The following NRG2 variants were observed in gnomAD, a reference collection of about 807,000 sequenced individuals.
NRG2 encodes pro-neuregulin-2, membrane-bound isoform.
NRG2 carries 27 observed loss-of-function variants against 73.9 expected under a neutral mutation model. That is an observed-to-expected ratio of 0.37 (90% CI 0.27 to 0.50). NRG2 has a LOEUF of 0.50. Ranked by LOEUF, NRG2 falls within the 20% of genes least tolerant of loss-of-function variation. NRG2 has a pLI of 0.96. For missense variants in NRG2, 1,126 were observed against 1,210.1 expected (o/e 0.93, Z 1.03); for synonymous variants, 532 against 541.0 (o/e 0.98, Z 0.23).
intron 1 of NRG2, among the ~76,000 whole-genome samples, chr5:140,020,899 A>G (rs1423687950): frequency 3.3e-5 from 5 of 152,186 alleles, no homozygotes; most frequent in Non-Finnish European, 1.5e-5. Flanking sequence ...GGGTGAGTAC[A>G]TCTCGGAGCC....
chr5:139,911,425 C>T (rs1283984024), intron 1 of NRG2, among the ~76,000 whole-genome samples: 1 of 152,178 alleles, frequency 6.6e-6, no homozygotes, highest in African/African-American at 2.4e-5. Context: ...AGATGTTACT[C>T]TGTCCACCAG....
At chr5:139,891,359 A>G (rs1318480543) in intron 1 of NRG2, among the ~76,000 whole-genome samples, 7 of 152,174 alleles carry the variant, frequency 4.6e-5, no homozygotes, top group African/African-American at 1.4e-4. Flanking sequence ...CCGGCCACCA[A>G]TGGAAAACAC....
chr5:139,938,621 G>A (rs1276089447), intron 1 of NRG2, among the ~76,000 whole-genome samples: 1 of 151,890 alleles, frequency 6.6e-6, no homozygotes, highest in Non-Finnish European at 1.5e-5. Flanking sequence ...CACCTTGGCT[G>A]CCCAGAATTA....
At chr5:140,035,177 A>G (rs770094568) in intron 1 of NRG2, among the ~76,000 whole-genome samples, 2 of 152,154 alleles carry the variant, frequency 1.3e-5, no homozygotes, top group African/African-American at 2.4e-5. Context: ...GCTACTGAGA[A>G]TGCTGCTCTT....
intron 1 of NRG2, among the ~76,000 whole-genome samples, chr5:140,011,887 C>G (rs1252817769): frequency 1.3e-5 from 2 of 152,224 alleles, no homozygotes. Flanking sequence ...ACTCAAAAAT[C>G]ATTAATCTAT....
chr5:139,951,991 G>A (rs1754237459), intron 1 of NRG2, among the ~76,000 whole-genome samples: 1 of 152,244 alleles, frequency 6.6e-6, no homozygotes, highest in Non-Finnish European at 1.5e-5. Flanking sequence ...TTAGTTTGTA[G>A]TGAAGCTTTG....
intron 1 of NRG2, among the ~76,000 whole-genome samples, chr5:139,977,469 G>T (rs1038074529): frequency 6.6e-6 from 1 of 152,240 alleles, no homozygotes; most frequent in Admixed American, 6.5e-5. Context: ...ATTGGCAGGC[G>T]TCAAGGTATG....
intron 1 of NRG2, among the ~76,000 whole-genome samples, chr5:139,947,481 T>C (rs1034494412): frequency 2.0e-5 from 3 of 152,230 alleles, no homozygotes; most frequent in African/African-American, 7.2e-5. Context: ...CAACCAACAG[T>C]TGATGGCCAT....
At chr5:139,939,241 TTC>T (rs1344771519) in intron 1 of NRG2, among the ~76,000 whole-genome samples, 79 of 140,268 alleles carry the variant, frequency 5.6e-4, no homozygotes, top group Non-Finnish European at 7.4e-4. Flanking sequence ...CCTTCCTTCC[TTC>T]CTTTCTTTCT....
chr5:140,027,754 G>A (rs1580979171), intron 1 of NRG2, among the ~76,000 whole-genome samples: 1 of 152,282 alleles, frequency 6.6e-6, no homozygotes, highest in Middle Eastern at 3.4e-3. Flanking sequence ...ACTGGGGGTG[G>A]AACATATCCC....
intron 2 of NRG2, 28 bp from the exon 3 acceptor site, chr5:139,881,002 G>C: frequency 6.3e-7 from 1 of 1,598,318 alleles, no homozygotes; most frequent in Non-Finnish European, 8.6e-7. Flanking sequence ...AAAAGGGGGA[G>C]AGGCGTGAGC....
chr5:139,982,648 G>A (rs1756896392), intron 1 of NRG2, among the ~76,000 whole-genome samples: 1 of 152,184 alleles, frequency 6.6e-6, no homozygotes, highest in African/African-American at 2.4e-5. Context: ...TTGGAACCAT[G>A]TTGGAATTGT....
At chr5:140,028,630 C>A (rs6881566) in intron 1 of NRG2, among the ~76,000 whole-genome samples, 14,363 of 152,100 alleles carry the variant, frequency 0.094, 1,043 homozygotes, top group African/African-American at 0.2. Context: ...GCCAGGGGGC[C>A]AGGGGGAGGT....
At chr5:139,978,986 CA>C (rs1253001512) in intron 1 of NRG2, among the ~76,000 whole-genome samples, 2 of 146,634 alleles carry the variant, frequency 1.4e-5, no homozygotes, top group East Asian at 2.0e-4. Context: ...ATCACAAGGA[CA>C]AAAAAACCAA....
chr5:139,996,180 T>G (rs1757997180), intron 1 of NRG2, among the ~76,000 whole-genome samples: 1 of 152,228 alleles, frequency 6.6e-6, no homozygotes, highest in Admixed American at 6.5e-5. Context: ...AGCCATGTTT[T>G]GTTTGTTACT....
At position 139,990,339 on chromosome 5, in the gene NRG2, A is replaced by G. The variant is rs190407859; in HGVS notation, c.700+52031T>C. On this transcript the variant is annotated intron_variant, in intron 1 of 9. Coordinates refer to ENST00000361474, the MANE Select transcript of NRG2 (RefSeq NM_004883.3). ...TATTTTGAGATGGAGTTTTGCTCTT[A>G]TCATCCAGGCTGGAGGGCAGTGGCA... is the stretch of plus-strand genomic sequence containing the variant. Among the ~76,000 whole-genome samples the G allele has an allele frequency of 3.2e-3, 478 of 151,274 alleles. 2 individuals are homozygous for G. Among genetic ancestry groups the G allele is most frequent in the Middle Eastern group, 0.017 (5 of 292 alleles).
At position 139,870,134 on chromosome 5, in the gene NRG2, C is replaced by A. The variant is rs1186728145; in HGVS notation, c.1112+1587G>T. On this transcript the variant is annotated intron_variant, in intron 4 of 9. Transcript: ENST00000361474. This position sits in a 1 kb window ranked among gnomAD's most constrained non-coding sequence, Gnocchi z 4.4. The stretch of plus-strand genomic sequence containing the variant: ...CATCCCTGTGAGGTATTCCAGGACC[C>A]TGATGAATTTCTAGTAGATCTGTTC... 6.6e-6 allele frequency among the ~76,000 whole-genome samples: 1 copy of A among 152,150 alleles called. No homozygotes were observed. Among genetic ancestry groups the A allele is most frequent in the Non-Finnish European group, 1.5e-5 (1 of 68,026 alleles).
chr5:139,900,601 G>C (rs1327395835), intron 1 of NRG2, among the ~76,000 whole-genome samples: 1 of 152,178 alleles, frequency 6.6e-6, no homozygotes, highest in Non-Finnish European at 1.5e-5. Context: ...GTTTTGTTTT[G>C]TTTTTTCCTA....
At chr5:139,909,779 C>G (rs1485689896) in intron 1 of NRG2, among the ~76,000 whole-genome samples, 2 of 152,194 alleles carry the variant, frequency 1.3e-5, no homozygotes, top group Non-Finnish European at 2.9e-5. Flanking sequence ...CCACATGACT[C>G]TAGGATGCAG....
Sources: allele counts gnomAD v4.1 joint callset (sites outside exome capture counted in the v4.1 genomes callset), GRCh38; gene constraint gnomAD v4.1.1; non-coding constraint Gnocchi (gnomAD v3.1); transcripts MANE v1.5; gene names NCBI Gene and HGNC (gene_info 2026-07-23, HGNC 2026-07-21).